Variants in MED27 observed in about 807,000 individuals in gnomAD.
MED27 encodes mediator complex subunit 27.
Under a neutral mutation model 38.2 loss-of-function variants are expected in MED27, and 30 were observed. That is an observed-to-expected ratio of 0.79 (90% CI 0.59 to 1.07). The LOEUF (loss-of-function observed/expected upper bound fraction) is 1.07. MED27 is among the 50% of genes least tolerant of loss of function. The probability of loss-of-function intolerance (pLI) is 0.00; values close to 1 mark genes in which losing one functional copy is unlikely to be tolerated. For synonymous variants in MED27, 122 were observed against 153.5 expected (o/e 0.79, Z 1.52); for missense variants, 289 against 397.5 (o/e 0.73, Z 2.32).
intron 2 of MED27, among the ~76,000 whole-genome samples, chr9:132,029,670 C>T (rs1832906879): frequency 6.6e-6 from 1 of 151,998 alleles, no homozygotes; most frequent in Non-Finnish European, 1.5e-5. Context: ...AGCAAGGTTA[C>T]AAAATAGGGA....
chr9:131,928,256 T>C (rs1830517610), intron 4 of MED27, among the ~76,000 whole-genome samples: 1 of 152,152 alleles, frequency 6.6e-6, no homozygotes, highest in South Asian at 2.1e-4. Context: ...GAGTCTGCAC[T>C]GGCTCTGTGG....
At chr9:131,910,255 C>A (rs1830163259) in intron 4 of MED27, among the ~76,000 whole-genome samples, 1 of 152,160 alleles carries the variant, frequency 6.6e-6, no homozygotes, top group African/African-American at 2.4e-5. Context: ...CACAACCACA[C>A]AATAAATTAT....
Position 131,980,493 on chromosome 9 carries a change from T to G in MED27, c.479+33844A>C, listed in dbSNP as rs1426556003. Among the ~76,000 whole-genome samples, 4 of 152,346 alleles carry G rather than the reference T, an allele frequency of 2.6e-5. No individual in the cohort carries two copies. In the East Asian group the frequency reaches 7.7e-4, roughly 29 times the overall value. ...GACACAGCATGCTATTTCATGTGTC[T>G]GCACTTTGTCTTTCCATAAAACAAA... On this transcript the variant is annotated intron_variant, in intron 3 of 7. Coordinates refer to ENST00000292035, the MANE Select transcript of MED27 (RefSeq NM_004269.4).
At chr9:131,907,744 C>T (rs1304185422) in intron 4 of MED27, among the ~76,000 whole-genome samples, 6 of 151,420 alleles carry the variant, frequency 4.0e-5, no homozygotes, top group Admixed American at 6.6e-5. Flanking sequence ...AGCGTCTCTG[C>T]CCGGCCGCCA....
At chr9:131,926,895 T>A (rs1009233832) in intron 4 of MED27, among the ~76,000 whole-genome samples, 2 of 152,246 alleles carry the variant, frequency 1.3e-5, no homozygotes, top group East Asian at 3.8e-4. Context: ...TACCAATATA[T>A]ATTTTCAGTG....
chr9:132,019,768 G>A (rs1034375241), intron 2 of MED27, among the ~76,000 whole-genome samples: 3 of 152,230 alleles, frequency 2.0e-5, no homozygotes, highest in African/African-American at 7.2e-5. Context: ...TTTCTAACTG[G>A]AGGTACTGAT....
chr9:131,944,276 G>T (rs1187600239), intron 3 of MED27, among the ~76,000 whole-genome samples: 1 of 152,006 alleles, frequency 6.6e-6, no homozygotes, highest in Non-Finnish European at 1.5e-5. Flanking sequence ...AACAATTTAC[G>T]GCTTGAACAG....
chr9:131,998,798 G>A (rs944947584), intron 3 of MED27, among the ~76,000 whole-genome samples: 1 of 152,098 alleles, frequency 6.6e-6, no homozygotes. Flanking sequence ...TGGGAGGCAC[G>A]TCCATGTTAA....
At chr9:132,011,527 C>T (rs910003013) in intron 3 of MED27, among the ~76,000 whole-genome samples, 11 of 152,222 alleles carry the variant, frequency 7.2e-5, no homozygotes, top group Admixed American at 3.3e-4. Flanking sequence ...TGGGGCGGGA[C>T]GCAGTGGCTC....
intron 2 of MED27, among the ~76,000 whole-genome samples, chr9:132,017,167 A>G (rs1589268299): frequency 6.6e-6 from 1 of 152,200 alleles, no homozygotes; most frequent in African/African-American, 2.4e-5. Context: ...GGTCAAAGTT[A>G]ATAAAACTGA....
At chr9:132,049,271 G>A (rs1388359020) in intron 2 of MED27, among the ~76,000 whole-genome samples, 1 of 152,154 alleles carries the variant, frequency 6.6e-6, no homozygotes. Flanking sequence ...CTTCTGGAGG[G>A]ATGAACTTGA....
Position 131,881,909 on chromosome 9 carries a change from C to T in MED27, c.723+2149G>A, listed in dbSNP as rs185717516. Reference sequence around the variant, plus strand: ...TAGCTGGGATTACAGGCGCCCGCCACCACGCCTGGCTGATTTGTGTATTTT... The same window carrying T: ...TAGCTGGGATTACAGGCGCCCGCCATCACGCCTGGCTGATTTGTGTATTTT... On this transcript the variant is annotated intron_variant, in intron 6 of 7. Transcript: ENST00000292035. 6.6e-5 allele frequency among the ~76,000 whole-genome samples: 10 copies of T among 151,258 alleles called. No homozygotes were observed. In the East Asian group the frequency reaches 2.0e-3, roughly 30 times the overall value.
At chr9:131,971,848 C>T (rs761831568) in intron 3 of MED27, among the ~76,000 whole-genome samples, 5 of 152,192 alleles carry the variant, frequency 3.3e-5, no homozygotes, top group Non-Finnish European at 7.3e-5. Flanking sequence ...ACAAAGGAGT[C>T]TGCATCTCTA....
chr9:131,897,553 C>A (rs553037459), intron 4 of MED27, among the ~76,000 whole-genome samples: 2 of 152,044 alleles, frequency 1.3e-5, no homozygotes, highest in Non-Finnish European at 2.9e-5. Context: ...CTTTTGGAAC[C>A]CTTTGAGAAA....
At chr9:131,900,071 T>G (rs900517386) in intron 4 of MED27, among the ~76,000 whole-genome samples, 1 of 152,208 alleles carries the variant, frequency 6.6e-6, no homozygotes, top group African/African-American at 2.4e-5. Context: ...GCAGCACATT[T>G]CCAAAGAGCT....
intron 3 of MED27, among the ~76,000 whole-genome samples, chr9:131,996,643 G>C (rs1198761328): frequency 6.6e-6 from 1 of 152,220 alleles, no homozygotes; most frequent in Non-Finnish European, 1.5e-5. Flanking sequence ...GTGTCTGGCA[G>C]TGAAGAACAC....
chr9:131,994,596 C>CATCATGATACCATCTAACAA (rs1458258792), intron 3 of MED27, among the ~76,000 whole-genome samples: 2 of 152,330 alleles, frequency 1.3e-5, no homozygotes, highest in East Asian at 3.9e-4. Flanking sequence ...ACCATGGTAT[C>CATCATGATACCATCTAACAA]AGATGTGGCA....
intron 3 of MED27, among the ~76,000 whole-genome samples, chr9:131,962,238 T>C (rs1831231524): frequency 6.6e-6 from 1 of 152,180 alleles, no homozygotes; most frequent in African/African-American, 2.4e-5. Context: ...TCCACTGTTA[T>C]TTATGTATTT....
intron 4 of MED27, among the ~76,000 whole-genome samples, chr9:131,932,509 A>G (rs1830609999): frequency 6.6e-6 from 1 of 152,148 alleles, no homozygotes; most frequent in African/African-American, 2.4e-5. Context: ...TACATTGGAA[A>G]ACCTCGAGGA....
Sources: allele counts gnomAD v4.1 joint callset (sites outside exome capture counted in the v4.1 genomes callset), GRCh38; gene constraint gnomAD v4.1.1; transcripts MANE v1.5; gene names NCBI Gene and HGNC (gene_info 2026-07-23, HGNC 2026-07-21).